Variants in SNRNP35 observed in about 807,000 individuals in gnomAD.
SNRNP35 encodes small nuclear ribonucleoprotein U11/U12 subunit 35.
Under a neutral mutation model 24.3 loss-of-function variants are expected in SNRNP35, and 16 were observed. That is an observed-to-expected ratio of 0.66 (90% CI 0.45 to 1.00). The LOEUF is 1.00. Among genes scored for constraint, SNRNP35 ranks in the 50% least tolerant of loss-of-function variants. The pLI is 0.00. For synonymous variants in SNRNP35, 106 were observed against 124.8 expected, an observed-to-expected ratio of 0.85 and a Z score of 1.00; for missense variants, 292 against 327.2, an observed-to-expected ratio of 0.89 and a Z score of 0.83.
In SNRNP35 at chr12:123,465,537, G is replaced by C; in HGVS notation, c.-3-1G>C. Reference sequence around the variant, plus strand: ...TCCACGCTTGCTCTTATCATTCATAGAACATGAACGATTGGATGCCCATCG... The same window carrying C: ...TCCACGCTTGCTCTTATCATTCATACAACATGAACGATTGGATGCCCATCG... On this transcript the variant is annotated splice_acceptor_variant, in intron 1 of 1. Coordinates refer to ENST00000526639, the MANE Select transcript of SNRNP35 (RefSeq NM_022717.4). LOFTEE classifies it low-confidence loss of function (5UTR_SPLICE). The surrounding 1 kb of genome is among the most constrained non-coding windows in gnomAD (Gnocchi z 4.2). 1 of 1,541,234 alleles carries C rather than the reference G, an allele frequency of 6.5e-7. No homozygotes were observed. The highest frequency in any genetic ancestry group is 8.7e-7 in the Non-Finnish European group (1 of 1,144,862).
At chr12:123,460,351 A>G (rs1397962268) in intron 1 of SNRNP35, among the ~76,000 whole-genome samples, 1 of 152,092 alleles carries the variant, frequency 6.6e-6, no homozygotes, top group African/African-American at 2.4e-5. Flanking sequence ...CCACTGGGCT[A>G]CTTCTTAGCT....
downstream of SNRNP35, among the ~76,000 whole-genome samples, chr12:123,467,604 G>A (rs949576054): frequency 3.3e-5 from 5 of 152,200 alleles, no homozygotes; most frequent in African/African-American, 9.6e-5. Context: ...ATAAATGGCC[G>A]TCTTTGAAAG....
chr12:123,468,848 T>C (rs933908780), downstream of SNRNP35, among the ~76,000 whole-genome samples: 11 of 152,228 alleles, frequency 7.2e-5, no homozygotes, highest in Non-Finnish European at 1.3e-4. Context: ...CAAATACTCT[T>C]TGATCTAGCA....
downstream of SNRNP35, among the ~76,000 whole-genome samples, chr12:123,468,105 TCC>T (rs1429975274): frequency 6.6e-6 from 1 of 151,918 alleles, no homozygotes; most frequent in East Asian, 1.9e-4. Flanking sequence ...ACGGCTGTGA[TCC>T]CAGCACTTTG....
In SNRNP35 at chr12:123,466,134, A is replaced by G; in HGVS notation, c.594A>G (p.Thr198=). 6.2e-7 allele frequency: 1 copy of G among 1,612,042 alleles called. No individual in the cohort carries two copies. The highest frequency in any genetic ancestry group is 8.5e-7 in the Non-Finnish European group (1 of 1,179,226). ...GAGAAAGACACTGGGACTCGAGGAC[A>G]AGGGATCGAGACCATGACAGGGGCC... is the stretch of plus-strand genomic sequence containing the variant. ...RSRERHWDSR[T]RDRDHDRGRE... Residue 198 remains threonine (T), a synonymous_variant, in exon 2 of 2, where the codon ACA becomes ACG. Transcript: ENST00000526639.
rs1880954394 is a variant in SNRNP35 at position 123,465,992 on chromosome 12, G to C, written c.452G>C (p.Gly151Ala). The change falls in exon 2 of 2, where the codon GGG (glycine) becomes GCG (alanine). Residue 151 changes from glycine to alanine, a missense_variant. Coordinates refer to ENST00000526639, the MANE Select transcript of SNRNP35 (RefSeq NM_022717.4). The surrounding 1 kb of genome is among the most constrained non-coding windows in gnomAD (Gnocchi z 4.2). ...GGTCTTGGGGGAAAAAAGGAGTCTG[G>C]GCAACTGAGATTTGGGGGACGGGAC... is the stretch of plus-strand genomic sequence containing the variant. ...GGGLGGKKES[G>A]QLRFGGRDRP... is the part of the protein sequence containing the mutation. The C allele has an allele frequency of 6.2e-7, 1 of 1,613,950 alleles. No homozygotes were observed. Among genetic ancestry groups the C allele is most frequent in the Non-Finnish European group, 8.5e-7 (1 of 1,180,020 alleles).
At chr12:123,460,503 CAT>C (rs1170277052) in intron 1 of SNRNP35, among the ~76,000 whole-genome samples, 2 of 143,608 alleles carry the variant, frequency 1.4e-5, no homozygotes, top group Non-Finnish European at 3.0e-5. Context: ...CGCTGGCTCA[CAT>C]GTGTAATCCC....
At chr12:123,468,358 CAAAAAAA>C (rs62816460), downstream of SNRNP35, among the ~76,000 whole-genome samples, 1 of 92,262 alleles carries the variant, frequency 1.1e-5, no homozygotes, top group Non-Finnish European at 2.0e-5. Flanking sequence ...GACTCTGTCT[CAAAAAAA>C]AAAAAAAAAA....
Position 123,465,635 on chromosome 12 carries a change from G to A in SNRNP35, c.95G>A (p.Trp32Ter). ...GAAGACCCACACGACCGCGCGGTCT[G>A]GAGGGCAATGCTGGCACGATATGTC... ...TDEDPHDRAV[W>*]RAMLARYVPN... Residue 32 changes from tryptophan to a stop codon, truncating the protein, a stop_gained, in exon 2 of 2, where the codon TGG becomes TAG. Coordinates refer to ENST00000526639, the MANE Select transcript of SNRNP35 (RefSeq NM_022717.4). LOFTEE classifies it high-confidence loss of function. This position sits in a 1 kb window ranked among gnomAD's most constrained non-coding sequence, Gnocchi z 4.2. 1 of 1,613,600 alleles carries A rather than the reference G, an allele frequency of 6.2e-7. No individual in the cohort carries two copies. Among genetic ancestry groups the A allele is most frequent in the South Asian group, 1.1e-5 (1 of 91,008 alleles).
At chr12:123,467,683 A>G (rs924144011), downstream of SNRNP35, among the ~76,000 whole-genome samples, 1 of 152,236 alleles carries the variant, frequency 6.6e-6, no homozygotes, top group African/African-American at 2.4e-5. Context: ...AGGTTTTCGC[A>G]TAGGAGTATG....
At chr12:123,472,890 G>T in exon 2 of SNRNP35, 1 of 556,670 alleles carries the variant, frequency 1.8e-6, no homozygotes, top group East Asian at 3.1e-5. Context: ...GTACCTTGGA[G>T]GTCACGCGGT....
At chr12:123,473,121 G>A (rs1328085192) in exon 2 of SNRNP35, 1 of 176,434 alleles carries the variant, frequency 5.7e-6, no homozygotes, top group African/African-American at 2.4e-5. Context: ...AAATAGTTCT[G>A]TATTTGTTTA....
At chr12:123,461,165 G>C (rs1880602008) in intron 1 of SNRNP35, among the ~76,000 whole-genome samples, 1 of 150,462 alleles carries the variant, frequency 6.6e-6, no homozygotes, top group Admixed American at 6.7e-5. Context: ...GCCCAGGCTG[G>C]AGTGCAATGG....
downstream of SNRNP35, among the ~76,000 whole-genome samples, chr12:123,467,452 C>CT (rs1174265414): frequency 6.6e-6 from 1 of 152,112 alleles, no homozygotes; most frequent in Non-Finnish European, 1.5e-5. Flanking sequence ...ACAGCTAGTT[C>CT]TGATGGATTG....
chr12:123,463,130 G>C (rs187153665), intron 1 of SNRNP35, among the ~76,000 whole-genome samples: 3 of 152,248 alleles, frequency 2.0e-5, no homozygotes, highest in Non-Finnish European at 2.9e-5. Flanking sequence ...GCATGATCAA[G>C]GCTCACTGCA....
In SNRNP35 at chr12:123,466,210, G is replaced by A; in HGVS notation, c.670G>A (p.Asp224Asn). Residue 224 changes from aspartate to asparagine, a missense_variant, in exon 2 of 2, where the codon GAC becomes AAC. Physicochemically the swap from Asp to Asn is conservative, Grantham distance 23 (BLOSUM62 1). Coordinates refer to ENST00000526639, the MANE Select transcript of SNRNP35 (RefSeq NM_022717.4). The part of the protein sequence containing the change: ...REPTRVWPDN[D>N]WERERDFRDD... ...GCCGACCAGGGTGTGGCCCGACAAT[G>A]ACTGGGAGAGAGAGAGGGACTTCAG... 6.4e-7 allele frequency: 1 copy of A among 1,570,788 alleles called. No homozygotes were observed. The highest frequency in any genetic ancestry group is 1.2e-5 in the South Asian group (1 of 83,084).
chr12:123,463,310 C>T (rs2139285563), intron 1 of SNRNP35, among the ~76,000 whole-genome samples: 1 of 151,990 alleles, frequency 6.6e-6, no homozygotes, highest in Non-Finnish European at 1.5e-5. Context: ...GATCGTCCCA[C>T]CTTGGCCTTC....
exon 2 of SNRNP35, chr12:123,472,189 T>G: frequency 3.9e-6 from 1 of 253,928 alleles, no homozygotes; most frequent in Non-Finnish European, 7.7e-6. Context: ...ACAAAGCAAG[T>G]CAAACAGCAA....
intron 1 of SNRNP35, chr12:123,459,889 A>G (rs377646857): frequency 2.5e-6 from 4 of 1,592,910 alleles, no homozygotes; most frequent in African/African-American, 1.3e-5. Flanking sequence ...ATGAGAAACA[A>G]TGAAACCAGC....
Sources: allele counts gnomAD v4.1 joint callset (sites outside exome capture counted in the v4.1 genomes callset), GRCh38; gene constraint gnomAD v4.1.1; non-coding constraint Gnocchi (gnomAD v3.1); transcripts MANE v1.5; gene names NCBI Gene and HGNC (gene_info 2026-07-23, HGNC 2026-07-21).